EFCAB3: variants seen among roughly 807,000 people sequenced by gnomAD.
The protein encoded by EFCAB3 is EF-hand calcium binding domain 3.
Under a neutral mutation model 42.2 loss-of-function variants are expected in EFCAB3, and 36 were observed. That is an observed-to-expected ratio of 0.85 (90% CI 0.65 to 1.13). The LOEUF (loss-of-function observed/expected upper bound fraction) is 1.13. Among genes scored for constraint, EFCAB3 ranks in the 50% most tolerant of loss-of-function variants. The pLI, the probability that EFCAB3 is intolerant of heterozygous loss-of-function variation, is 0.00. For missense variants in EFCAB3, 418 were observed against 505.1 expected, an observed-to-expected ratio of 0.83 and a Z score of 1.65; for synonymous variants, 170 against 172.8, an observed-to-expected ratio of 0.98 and a Z score of 0.13.
At chr17:62,373,463 A>T (rs75610680) in intron 1 of EFCAB3, among the ~76,000 whole-genome samples, 1 of 151,334 alleles carries the variant, frequency 6.6e-6, no homozygotes. Context: ...AAAAAAAAAA[A>T]TTGTTTAATG....
intron 1 of EFCAB3, among the ~76,000 whole-genome samples, chr17:62,371,701 A>G (rs2070115782): frequency 6.6e-6 from 1 of 152,256 alleles, no homozygotes; most frequent in Non-Finnish European, 1.5e-5. Flanking sequence ...ACTAGAAAAT[A>G]AAATGAGTAT....
intron 8 of EFCAB3, among the ~76,000 whole-genome samples, chr17:62,412,348 C>T (rs900375541): frequency 4.0e-5 from 5 of 126,082 alleles, no homozygotes; most frequent in Non-Finnish European, 4.7e-5. Flanking sequence ...TGCACTCCAG[C>T]GAGACTCTGT....
chr17:62,408,773 A>C (rs2070469504), intron 8 of EFCAB3, among the ~76,000 whole-genome samples: 1 of 152,186 alleles, frequency 6.6e-6, no homozygotes, highest in Admixed American at 6.5e-5. Flanking sequence ...CTCACCATCC[A>C]GTGCATTCCA....
At chr17:62,411,396 A>T (rs1567729135) in intron 8 of EFCAB3, among the ~76,000 whole-genome samples, 1 of 152,202 alleles carries the variant, frequency 6.6e-6, no homozygotes, top group East Asian at 1.9e-4. Flanking sequence ...ATTGAAGAAA[A>T]CACCCTGGAG....
chr17:62,393,645 G>A lies in EFCAB3; in HGVS notation c.367+1G>A, dbSNP rs1244447077. The A allele has an allele frequency of 6.2e-7, 1 of 1,613,726 alleles. No individual in the cohort carries two copies. Among genetic ancestry groups the A allele is most frequent in the Admixed American group, 1.7e-5 (1 of 60,012 alleles). ...AAGAATCTCTTCCTCAAGGCAGTGG[G>A]TGAGTAGAGATGTTATGAACAGAAG... On this transcript the variant is annotated splice_donor_variant, in intron 5 of 9. Transcript: ENST00000305286. LOFTEE classifies it high-confidence loss of function.
intron 6 of EFCAB3, among the ~76,000 whole-genome samples, chr17:62,406,072 A>G (rs754245869): frequency 4.8e-5 from 7 of 146,388 alleles, no homozygotes; most frequent in Non-Finnish European, 1.0e-4. Context: ...TTTCTAAACA[A>G]AACAGGGAGG....
chr17:62,380,566 T>G lies in EFCAB3; in HGVS notation c.-65T>G. 1 of 985,468 alleles carries G rather than the reference T, an allele frequency of 1.0e-6. No homozygotes were observed. The highest frequency in any genetic ancestry group is 1.2e-6 in the Non-Finnish European group (1 of 829,934). 61.0% of individuals were successfully genotyped at this position (985,468 alleles called of 1,614,324 possible). A position where few individuals can be genotyped will look rare whatever the true frequency, so the allele number is the denominator to read the frequency against. Reference sequence around the variant, plus strand: ...TGGAACAAACCCTTTATTGGATTCCTGATCTGATTGAAGCCCAGAAGTGGT... The same window carrying G: ...TGGAACAAACCCTTTATTGGATTCCGGATCTGATTGAAGCCCAGAAGTGGT... On this transcript the variant is annotated 5_prime_UTR_variant, in exon 1 of 10. Transcript: ENST00000305286.
At chr17:62,372,302 G>T (rs2070119858) in intron 1 of EFCAB3, among the ~76,000 whole-genome samples, 1 of 151,890 alleles carries the variant, frequency 6.6e-6, no homozygotes, top group Non-Finnish European at 1.5e-5. Context: ...ACAGGGTCTG[G>T]CTCTGTCACC....
At chr17:62,371,990 T>C (rs1461286158) in intron 1 of EFCAB3, among the ~76,000 whole-genome samples, 1 of 152,202 alleles carries the variant, frequency 6.6e-6, no homozygotes, top group Non-Finnish European at 1.5e-5. Flanking sequence ...TATTGATTTA[T>C]TCAAGCAACA....
chr17:62,402,706 G>T (rs924803649), intron 6 of EFCAB3, among the ~76,000 whole-genome samples: 2 of 152,126 alleles, frequency 1.3e-5, no homozygotes, highest in Non-Finnish European at 2.9e-5. Context: ...ATTTTATTGA[G>T]GATTTTCGCA....
chr17:62,371,508 A>T (rs919887517), intron 1 of EFCAB3, among the ~76,000 whole-genome samples: 1 of 152,252 alleles, frequency 6.6e-6, no homozygotes, highest in South Asian at 2.1e-4. Flanking sequence ...CAGTGAGCCA[A>T]GATTGCGCCA....
intron 6 of EFCAB3, among the ~76,000 whole-genome samples, chr17:62,404,513 C>G (rs1218352328): frequency 6.6e-6 from 1 of 151,934 alleles, no homozygotes; most frequent in Non-Finnish European, 1.5e-5. Flanking sequence ...CAATAAATAA[C>G]AGGCTGGGCG....
At chr17:62,386,216 A>G (rs1413934543) in intron 2 of EFCAB3, among the ~76,000 whole-genome samples, 1 of 152,168 alleles carries the variant, frequency 6.6e-6, no homozygotes, top group East Asian at 1.9e-4. Context: ...TCATATTATA[A>G]GCAAACTCAG....
intron 6 of EFCAB3, among the ~76,000 whole-genome samples, chr17:62,399,337 T>C (rs933783832): frequency 4.6e-5 from 7 of 151,934 alleles, no homozygotes; most frequent in Admixed American, 1.3e-4. Flanking sequence ...CTGGCTAATT[T>C]TTCTATTTTT....
intron 6 of EFCAB3, among the ~76,000 whole-genome samples, chr17:62,404,512 A>G (rs367665119): frequency 2.0e-5 from 3 of 152,042 alleles, no homozygotes; most frequent in Admixed American, 6.5e-5. Flanking sequence ...ACAATAAATA[A>G]CAGGCTGGGC....
intron 8 of EFCAB3, among the ~76,000 whole-genome samples, chr17:62,409,610 T>G (rs1004573873): frequency 8.6e-5 from 13 of 151,876 alleles, no homozygotes; most frequent in Admixed American, 1.3e-4. Context: ...AATATATTTA[T>G]GTATTCAAAT....
chr17:62,376,971 G>C (rs996638615), upstream of EFCAB3, among the ~76,000 whole-genome samples: 1 of 152,090 alleles, frequency 6.6e-6, no homozygotes, highest in African/African-American at 2.4e-5. Flanking sequence ...ATGTTGCCAC[G>C]TGCAGTGTCT....
At chr17:62,393,527 TA>T in intron 4 of EFCAB3, 45 bp from the exon 5 acceptor site, 1 of 1,437,226 alleles carries the variant, frequency 7.0e-7, no homozygotes, top group Non-Finnish European at 9.8e-7. Context: ...CTCTGATAAT[TA>T]AAATACATCT....
chr17:62,403,558 T>A lies in EFCAB3; in HGVS notation c.489-2922T>A, dbSNP rs147422163. Among the ~76,000 whole-genome samples the A allele has an allele frequency of 3.1e-3, 478 of 152,356 alleles. 2 individuals are homozygous for A. Among genetic ancestry groups the A allele is most frequent in the African/African-American group, 0.011 (456 of 41,588 alleles). ...AAAAGCCTACAGTGACCTCTCAGGT[T>A]TCCTATGAAAAAGTTCTAACTTAAC... is the stretch of plus-strand genomic sequence containing the variant. On this transcript the variant is annotated intron_variant, in intron 6 of 9. Coordinates refer to ENST00000305286, the MANE Select transcript of EFCAB3 (RefSeq NM_173503.4).
Sources: gnomAD v4.1 joint callset for allele counts (sites outside exome capture counted in the v4.1 genomes callset) on GRCh38, gnomAD v4.1.1 for gene constraint, MANE v1.5 for transcripts, NCBI Gene and HGNC (gene_info 2026-07-23, HGNC 2026-07-21) for gene names.